Variants in CRYZL1 observed in about 807,000 individuals in gnomAD.
The protein encoded by CRYZL1 is crystallin zeta like 1.
A neutral mutation model predicts 50.6 loss-of-function variants in CRYZL1; 34 were observed. The ratio of observed to expected loss-of-function variants is 0.67; its 90% CI spans 0.51 to 0.89. CRYZL1 has a LOEUF of 0.89. Ranked by LOEUF, CRYZL1 falls within the 40% of genes least tolerant of loss-of-function variation. The pLI is 0.00. For synonymous variants in CRYZL1, 125 were observed against 134.3 expected, an observed-to-expected ratio of 0.93 and a Z score of 0.48; for missense variants, 354 against 402.3, an observed-to-expected ratio of 0.88 and a Z score of 1.03.
Position 33,603,382 on chromosome 21 carries a change from TAAC to T in CRYZL1, c.465+19_465+21del, listed in dbSNP as rs1277059632. ...GTTTACTGTATGCTTGTCTGTTTCT[TAAC>T]AAAACCATTAGCACCTACACTTGCT... On this transcript the variant is annotated intron_variant, in intron 7 of 12. Transcript: ENST00000381554. The T allele has an allele frequency of 6.2e-7, 1 of 1,612,118 alleles. No homozygotes were observed. Among genetic ancestry groups the T allele is most frequent in the Admixed American group, 1.7e-5 (1 of 59,954 alleles).
In CRYZL1 at chr21:33,614,171, CA is replaced by C. The variant is rs1174565593; in HGVS notation, c.263-566del. On this transcript the variant is annotated intron_variant, in intron 5 of 12. Transcript: ENST00000381554. ...CGGCCGACAGTGCGAGACTCTGTGT[CA>C]AAAAAAAAAAAAAAAAAAATTGTCC... Among the ~76,000 whole-genome samples, 651 of 98,194 alleles carry C rather than the reference CA, an allele frequency of 6.6e-3. 3 individuals carry two copies. Among genetic ancestry groups the C allele is most frequent in the African/African-American group, 0.014 (368 of 26,062 alleles). 64.4% of individuals were successfully genotyped at this position (98,194 alleles called of 152,430 possible).
intron 6 of CRYZL1, among the ~76,000 whole-genome samples, chr21:33,610,727 G>GTTTTTTTTT (rs747790692): frequency 7.9e-5 from 8 of 101,474 alleles, no homozygotes; most frequent in Non-Finnish European, 1.4e-4. Flanking sequence ...TTGTTTGGTT[G>GTTTTTTTTT]TTTTTTTTTT....
rs768592710 is a variant in CRYZL1, at chr21:33,589,781, T to G, written c.*41A>C. 6.3e-6 allele frequency: 8 copies of G among 1,262,118 alleles called. No homozygotes were observed. Among genetic ancestry groups the G allele is most frequent in the Admixed American group, 1.9e-5 (1 of 51,746 alleles). The allele number at this position is 1,262,118 out of a possible 1,614,324, so 78.2% of individuals were successfully genotyped here. On this transcript the variant is annotated 3_prime_UTR_variant, in exon 13 of 13. Transcript: ENST00000381554. Reference sequence around the variant, plus strand: ...CAAAGAAAATTCTGGCTTCAAATACTGGAATATGTTCATCCGACTGAGGTC... The same window carrying G: ...CAAAGAAAATTCTGGCTTCAAATACGGGAATATGTTCATCCGACTGAGGTC...
At chr21:33,598,355 A>G (rs2086716626) in intron 9 of CRYZL1, among the ~76,000 whole-genome samples, 1 of 152,252 alleles carries the variant, frequency 6.6e-6, no homozygotes, top group South Asian at 2.1e-4. Context: ...TCATAACCAT[A>G]TTCATCCATG....
At chr21:33,592,143 CTTTTT>C (rs1186073775) in intron 11 of CRYZL1, among the ~76,000 whole-genome samples, 5 of 129,448 alleles carry the variant, frequency 3.9e-5, no homozygotes, top group Non-Finnish European at 6.7e-5. Context: ...TTTTTCAGAG[CTTTTT>C]TTTTTTTTTT....
At chr21:33,597,805 G>A (rs896234574) in intron 9 of CRYZL1, among the ~76,000 whole-genome samples, 7 of 152,126 alleles carry the variant, frequency 4.6e-5, no homozygotes, top group African/African-American at 1.2e-4. Flanking sequence ...TAGTAGAGAC[G>A]GGGTTTCATT....
At chr21:33,631,113 T>A (rs2087132634) in intron 2 of CRYZL1, among the ~76,000 whole-genome samples, 1 of 152,200 alleles carries the variant, frequency 6.6e-6, no homozygotes, top group Non-Finnish European at 1.5e-5. Flanking sequence ...AACAACGTAT[T>A]GCATATTTCA....
intron 6 of CRYZL1, among the ~76,000 whole-genome samples, chr21:33,605,550 T>G: frequency 6.9e-6 from 1 of 144,714 alleles, no homozygotes; most frequent in Non-Finnish European, 1.5e-5. Flanking sequence ...TGAGATGGAG[T>G]CTCACTCTGT....
intron 6 of CRYZL1, among the ~76,000 whole-genome samples, chr21:33,604,630 T>C (rs1277596065): frequency 3.3e-5 from 5 of 152,132 alleles, no homozygotes; most frequent in Non-Finnish European, 5.9e-5. Flanking sequence ...TTATGTTCCA[T>C]ATTATGTTTT....
At chr21:33,621,382 C>T (rs1457870122) in intron 4 of CRYZL1, among the ~76,000 whole-genome samples, 1 of 151,422 alleles carries the variant, frequency 6.6e-6, no homozygotes, top group Non-Finnish European at 1.5e-5. Flanking sequence ...GCACTTGTCG[C>T]CCAGGCTGGA....
At chr21:33,633,059 G>C (rs2087160022) in intron 1 of CRYZL1, among the ~76,000 whole-genome samples, 1 of 151,658 alleles carries the variant, frequency 6.6e-6, no homozygotes, top group African/African-American at 2.4e-5. Context: ...GTTACTTGTA[G>C]TTGTATTCCA....
chr21:33,612,555 C>T (rs1368627325), intron 6 of CRYZL1, among the ~76,000 whole-genome samples: 4 of 152,304 alleles, frequency 2.6e-5, no homozygotes, highest in Non-Finnish European at 5.9e-5. Context: ...TCCCAAAGTG[C>T]TAGGATCACA....
chr21:33,627,085 C>A (rs978126646), intron 2 of CRYZL1, among the ~76,000 whole-genome samples: 4 of 152,220 alleles, frequency 2.6e-5, no homozygotes, highest in African/African-American at 9.6e-5. Flanking sequence ...AAGAGCCAAT[C>A]AACCCCTGAC....
At chr21:33,609,185 T>C (rs532193633) in intron 6 of CRYZL1, among the ~76,000 whole-genome samples, 4 of 152,352 alleles carry the variant, frequency 2.6e-5, no homozygotes, top group African/African-American at 9.6e-5. Flanking sequence ...TTTTTTCTTC[T>C]TGCTGTTTTC....
At position 33,613,614 on chromosome 21, in the gene CRYZL1, T is replaced by A; in HGVS notation, c.263-8A>T. The A allele has an allele frequency of 6.2e-7, 1 of 1,604,734 alleles. No individual in the cohort carries two copies. The highest frequency in any genetic ancestry group is 1.7e-4 in the Middle Eastern group (1 of 6,052). Reference sequence around the variant, plus strand: ...AGTCCAGGGGCAAAATTCCTAAAAATCAAAACAAGAAATTAAAGGGATGTA... The same window carrying A: ...AGTCCAGGGGCAAAATTCCTAAAAAACAAAACAAGAAATTAAAGGGATGTA... On this transcript the variant is annotated splice_region_variant and splice_polypyrimidine_tract_variant and intron_variant, in intron 5 of 12. Transcript: ENST00000381554.
At chr21:33,619,718 C>T (rs2086972933) in intron 4 of CRYZL1, among the ~76,000 whole-genome samples, 1 of 152,156 alleles carries the variant, frequency 6.6e-6, no homozygotes, top group South Asian at 2.1e-4. Context: ...CAAAATGTTT[C>T]TCTGCTACCA....
At chr21:33,612,758 C>G (rs2086886817) in intron 6 of CRYZL1, among the ~76,000 whole-genome samples, 1 of 152,020 alleles carries the variant, frequency 6.6e-6, no homozygotes. Flanking sequence ...AATAAATTAC[C>G]ATAAGAAAAA....
In CRYZL1 at chr21:33,612,568, C is replaced by T. The variant is rs116525151; in HGVS notation, c.331+970G>A. 3.2e-3 allele frequency among the ~76,000 whole-genome samples: 485 copies of T among 152,274 alleles called. 16 individuals carry two copies. The East Asian group carries it at 0.072, about 22-fold the overall frequency. ...CGTCCCAAAGTGCTAGGATCACAGG[C>T]GTGAGCCGCTGCGCCTGGCTGATGG... On this transcript the variant is annotated intron_variant, in intron 6 of 12. Transcript: ENST00000381554.
At chr21:33,614,359 T>C (rs2086905167) in intron 5 of CRYZL1, among the ~76,000 whole-genome samples, 1 of 151,066 alleles carries the variant, frequency 6.6e-6, no homozygotes, top group South Asian at 2.1e-4. Flanking sequence ...TATCATGGTA[T>C]GCACCTGTAG....
Sources: allele counts gnomAD v4.1 joint callset (sites outside exome capture counted in the v4.1 genomes callset), GRCh38; gene constraint gnomAD v4.1.1; transcripts MANE v1.5; gene names NCBI Gene and HGNC (gene_info 2026-07-23, HGNC 2026-07-21).